The following HDAC9 variants were observed in gnomAD, a reference collection of about 807,000 sequenced individuals.
HDAC9 encodes the protein histone deacetylase 9, also known as MEF-2 interacting transcription repressor (MITR) protein.
Under a neutral mutation model 139.4 loss-of-function variants are expected in HDAC9, and 41 were observed. The observed-to-expected ratio is 0.29, with a 90% CI of 0.23 to 0.38. The LOEUF (loss-of-function observed/expected upper bound fraction) is 0.38. Ranked by LOEUF, HDAC9 falls within the 10% of genes least tolerant of loss-of-function variation. The probability of loss-of-function intolerance (pLI) is 1.00; values close to 1 mark genes in which losing one functional copy is unlikely to be tolerated. For synonymous variants in HDAC9, 517 were observed against 476.2 expected, an observed-to-expected ratio of 1.09 and a Z score of -1.12; for missense variants, 1,147 against 1,297.0, an observed-to-expected ratio of 0.88 and a Z score of 1.78.
At chr7:18,845,690 C>T (rs914865620) in intron 21 of HDAC9, among the ~76,000 whole-genome samples, 1 of 152,070 alleles carries the variant, frequency 6.6e-6, no homozygotes, top group African/African-American at 2.4e-5. Context: ...CTAGATACAG[C>T]TAATGAACCA....
intron 2 of HDAC9, among the ~76,000 whole-genome samples, chr7:18,192,318 T>C (rs1348371070): frequency 1.3e-5 from 2 of 152,218 alleles, no homozygotes; most frequent in Non-Finnish European, 2.9e-5. Context: ...CTGCGTAATA[T>C]CATTCTGACT....
intron 12 of HDAC9, among the ~76,000 whole-genome samples, chr7:18,678,408 A>G (rs1781667718): frequency 6.6e-6 from 1 of 151,556 alleles, no homozygotes; most frequent in South Asian, 2.1e-4. Context: ...TTCATCTGAT[A>G]TTTTTCCTGC....
intron 17 of HDAC9, among the ~76,000 whole-genome samples, chr7:18,827,317 A>G (rs1380299962): frequency 6.6e-6 from 1 of 152,078 alleles, no homozygotes; most frequent in African/African-American, 2.4e-5. Flanking sequence ...CTTTTACATA[A>G]TTGCTTGTGT....
At chr7:18,492,131 C>T (rs1442592570), upstream of HDAC9, among the ~76,000 whole-genome samples, 1 of 151,938 alleles carries the variant, frequency 6.6e-6, no homozygotes, top group African/African-American at 2.4e-5. Context: ...ATGCAGCTTT[C>T]AAGATTTCAT....
At chr7:18,504,338 C>T (rs1799177767) in intron 2 of HDAC9, among the ~76,000 whole-genome samples, 1 of 152,190 alleles carries the variant, frequency 6.6e-6, no homozygotes, top group African/African-American at 2.4e-5. Flanking sequence ...CAAAGTCTCA[C>T]TCTGTCATCC....
chr7:18,563,371 A>G (rs2128714955), intron 2 of HDAC9, among the ~76,000 whole-genome samples: 1 of 152,278 alleles, frequency 6.6e-6, no homozygotes, highest in South Asian at 2.1e-4. Context: ...AATATAAAAT[A>G]TATAAGCCTC....
chr7:18,452,499 A>G (rs1386080282), intron 1 of HDAC9, among the ~76,000 whole-genome samples: 2 of 152,112 alleles, frequency 1.3e-5, no homozygotes, highest in African/African-American at 4.8e-5. Flanking sequence ...TTGCATAGAG[A>G]AAGAGAAAGA....
chr7:18,110,793 C>T (rs189960287), intron 1 of HDAC9, among the ~76,000 whole-genome samples: 4 of 152,096 alleles, frequency 2.6e-5, no homozygotes, highest in East Asian at 1.9e-4. Flanking sequence ...GTCCAGCCAA[C>T]GGGGAGTCTA....
In HDAC9 at chr7:18,659,833, G is replaced by A. The variant is rs575428289; in HGVS notation, c.1468-6380G>A. On this transcript the variant is annotated intron_variant, in intron 11 of 25. Transcript: ENST00000686413. ...CATTTATCTGTCCCACAGATGTTTC[G>A]TCTTCTGTTATCTAGCCAACAAGGC... 7.2e-5 allele frequency among the ~76,000 whole-genome samples: 11 copies of A among 152,160 alleles called. No individual in the cohort carries two copies. In the East Asian group the frequency reaches 9.7e-4, roughly 13 times the overall value.
At chr7:18,900,588 T>A (rs942745711) in intron 22 of HDAC9, among the ~76,000 whole-genome samples, 3 of 152,180 alleles carry the variant, frequency 2.0e-5, no homozygotes, top group African/African-American at 7.2e-5. Context: ...GGTGTTTGCT[T>A]AAAGTCATAG....
intron 1 of HDAC9, among the ~76,000 whole-genome samples, chr7:18,366,120 T>C (rs2128695597): frequency 6.6e-6 from 1 of 152,248 alleles, no homozygotes; most frequent in Non-Finnish European, 1.5e-5. Context: ...AATTTAATGC[T>C]TATTCCTAAT....
At chr7:18,587,273 A>G (rs1829736872) in intron 3 of HDAC9, among the ~76,000 whole-genome samples, 1 of 152,316 alleles carries the variant, frequency 6.6e-6, no homozygotes, top group Admixed American at 6.5e-5. Context: ...TGGTTTATTG[A>G]CATCTGGAAA....
chr7:18,216,112 G>A (rs1411889032), intron 2 of HDAC9, among the ~76,000 whole-genome samples: 1 of 148,436 alleles, frequency 6.7e-6, no homozygotes, highest in Admixed American at 6.7e-5. Context: ...GTGTCTGTGT[G>A]TGTGTGTGTG....
intron 21 of HDAC9, among the ~76,000 whole-genome samples, chr7:18,840,757 A>G (rs1796533352): frequency 6.6e-6 from 1 of 152,100 alleles, no homozygotes; most frequent in Non-Finnish European, 1.5e-5. Flanking sequence ...CTTTAATGAC[A>G]TAAGCAAAAT....
intron 2 of HDAC9, chr7:18,543,431 G>C (rs1166493759): frequency 6.6e-6 from 1 of 152,314 alleles, no homozygotes; most frequent in Non-Finnish European, 1.5e-5. Context: ...CCTCTACTTG[G>C]AGTGCTTTCC....
chr7:18,311,840 C>T (rs1289843713), intron 1 of HDAC9, among the ~76,000 whole-genome samples: 2 of 152,140 alleles, frequency 1.3e-5, no homozygotes, highest in African/African-American at 4.8e-5. Flanking sequence ...GCTACTTTTC[C>T]ATTTGAAGGC....
intron 22 of HDAC9, among the ~76,000 whole-genome samples, chr7:18,876,837 G>A (rs550932335): frequency 1.3e-5 from 2 of 151,710 alleles, no homozygotes; most frequent in Non-Finnish European, 2.9e-5. Flanking sequence ...CTAGTAGCTG[G>A]GATTACAGGC....
intron 2 of HDAC9, among the ~76,000 whole-genome samples, chr7:18,568,022 A>G (rs868448378): frequency 2.7e-5 from 2 of 73,542 alleles, no homozygotes; most frequent in African/African-American, 1.1e-4. Flanking sequence ...GGATATATGT[A>G]TATGTATATA....
intron 6 of HDAC9, among the ~76,000 whole-genome samples, chr7:18,621,440 A>G (rs1840182407): frequency 1.3e-5 from 2 of 152,064 alleles, no homozygotes; most frequent in South Asian, 4.1e-4. Context: ...AACATTTACA[A>G]ATATGGATTT....
Sources: gnomAD v4.1 joint callset for allele counts (sites outside exome capture counted in the v4.1 genomes callset) on GRCh38, gnomAD v4.1.1 for gene constraint, MANE v1.5 for transcripts, NCBI Gene and HGNC (gene_info 2026-07-23, HGNC 2026-07-21) for gene names.